Variants in LDLRAD3 observed in about 807,000 individuals in gnomAD.
LDLRAD3 encodes the protein low-density lipoprotein receptor class A domain-containing protein 3.
A neutral mutation model predicts 29.4 loss-of-function variants in LDLRAD3; 20 were observed. That is an observed-to-expected ratio of 0.68 (90% CI 0.48 to 0.99). LDLRAD3 has a LOEUF of 0.99. Ranked by LOEUF, LDLRAD3 falls within the 50% of genes least tolerant of loss-of-function variation. The pLI, the probability that LDLRAD3 is intolerant of heterozygous loss-of-function variation, is 0.00. For missense variants in LDLRAD3, 420 were observed against 454.3 expected (o/e 0.92, Z 0.69); for synonymous variants, 157 against 192.7 (o/e 0.81, Z 1.53).
intron 2 of LDLRAD3, among the ~76,000 whole-genome samples, chr11:36,073,437 C>T (rs1044184013): frequency 2.0e-5 from 3 of 152,192 alleles, no homozygotes; most frequent in African/African-American, 4.8e-5. Context: ...TTCTGTCGGG[C>T]GCTGCTGAGT....
At chr11:36,164,803 G>C in intron 4 of LDLRAD3, among the ~76,000 whole-genome samples, 1 of 152,212 alleles carries the variant, frequency 6.6e-6, no homozygotes, top group Non-Finnish European at 1.5e-5. Flanking sequence ...CTATGTCCCA[G>C]ATCTGGATGT....
chr11:36,077,147 C>G (rs1209203326), intron 2 of LDLRAD3, among the ~76,000 whole-genome samples: 1 of 152,178 alleles, frequency 6.6e-6, no homozygotes, highest in Non-Finnish European at 1.5e-5. Flanking sequence ...GTGTAACCTT[C>G]TCATCCTGTT....
At position 36,050,676 on chromosome 11, in the gene LDLRAD3, A is replaced by T. The variant is rs541258006; in HGVS notation, c.193+14427A>T. Among the ~76,000 whole-genome samples the T allele has an allele frequency of 5.3e-5, 8 of 152,310 alleles. No individual in the cohort carries two copies. The South Asian group carries it at 6.2e-4, about 12-fold the overall frequency. ...ATTTTTCGTCACTACTGGCACTCAG[A>T]GCCTATACTGAGTGTCCCTTTAGAA... On this transcript the variant is annotated intron_variant, in intron 2 of 5. Coordinates refer to ENST00000315571, the MANE Select transcript of LDLRAD3 (RefSeq NM_174902.4).
rs551358855 is a variant in LDLRAD3, at chr11:36,142,054, A to T, written c.454+43593A>T. ...TTGTTCCATTTTCTAAGGAAAAATA[A>T]ACCACTATTGCTTGCTTCCAGTCGC... On this transcript the variant is annotated intron_variant, in intron 4 of 5. Transcript: ENST00000315571. Among the ~76,000 whole-genome samples the T allele has an allele frequency of 3.3e-4, 51 of 152,336 alleles. 2 individuals are homozygous for T. In the South Asian group the frequency reaches 9.1e-3, roughly 27 times the overall value.
At chr11:36,019,538 G>A (rs1329773849) in intron 1 of LDLRAD3, among the ~76,000 whole-genome samples, 1 of 152,166 alleles carries the variant, frequency 6.6e-6, no homozygotes, top group Non-Finnish European at 1.5e-5. Flanking sequence ...GAATGGGGTG[G>A]CCAAGGGCCT....
At chr11:36,001,383 A>G (rs1851823121) in intron 1 of LDLRAD3, among the ~76,000 whole-genome samples, 1 of 152,204 alleles carries the variant, frequency 6.6e-6, no homozygotes, top group Non-Finnish European at 1.5e-5. Flanking sequence ...GATATGTAAA[A>G]TATCTATTAT....
At chr11:36,048,437 G>A (rs1399295319) in intron 2 of LDLRAD3, among the ~76,000 whole-genome samples, 1 of 152,086 alleles carries the variant, frequency 6.6e-6, no homozygotes, top group East Asian at 1.9e-4. Flanking sequence ...CTGGGGTCCC[G>A]GTGCTCCCTC....
chr11:36,197,472 G>A (rs1855051452), intron 4 of LDLRAD3: 1 of 152,216 alleles, frequency 6.6e-6, no homozygotes, highest in South Asian at 2.1e-4. Context: ...CAGTCTTTCT[G>A]TGCTGTGGTT....
intron 4 of LDLRAD3, among the ~76,000 whole-genome samples, chr11:36,224,144 G>T (rs938972343): frequency 1.3e-5 from 2 of 150,642 alleles, no homozygotes; most frequent in Non-Finnish European, 2.9e-5. Context: ...TTACAAGAAA[G>T]AACTAGCATG....
chr11:36,204,223 C>T (rs1297611373), intron 4 of LDLRAD3, among the ~76,000 whole-genome samples: 1 of 152,138 alleles, frequency 6.6e-6, no homozygotes, highest in African/African-American at 2.4e-5. Flanking sequence ...GGCAGAACAT[C>T]CTGGGTATCC....
intron 4 of LDLRAD3, among the ~76,000 whole-genome samples, chr11:36,180,568 A>G (rs551668617): frequency 3.9e-5 from 6 of 152,208 alleles, no homozygotes; most frequent in Non-Finnish European, 5.9e-5. Context: ...CTTATGAGGC[A>G]TTGAAGGGAC....
chr11:36,187,574 A>G (rs763158312), intron 4 of LDLRAD3, among the ~76,000 whole-genome samples: 1 of 152,190 alleles, frequency 6.6e-6, no homozygotes, highest in Non-Finnish European at 1.5e-5. Flanking sequence ...GTCAAGGTGG[A>G]CATACAGCTC....
intron 4 of LDLRAD3, among the ~76,000 whole-genome samples, chr11:36,206,269 A>G (rs1439808862): frequency 1.3e-5 from 2 of 152,184 alleles, no homozygotes; most frequent in South Asian, 2.1e-4. Context: ...TTATTACTAC[A>G]TATTAGCTTT....
At chr11:36,147,553 G>T (rs1854216229) in intron 4 of LDLRAD3, among the ~76,000 whole-genome samples, 1 of 152,180 alleles carries the variant, frequency 6.6e-6, no homozygotes, top group Non-Finnish European at 1.5e-5. Flanking sequence ...ATATTCACAG[G>T]CACCAGGGGT....
intron 2 of LDLRAD3, among the ~76,000 whole-genome samples, chr11:36,042,013 C>T (rs1565180596): frequency 6.6e-6 from 1 of 152,056 alleles, no homozygotes; most frequent in African/African-American, 2.4e-5. Context: ...TGTTCCTGAC[C>T]GTTTCTTGAA....
At chr11:36,145,330 GGGAAGTGAGGA>G (rs1854171204) in intron 4 of LDLRAD3, among the ~76,000 whole-genome samples, 3 of 98,992 alleles carry the variant, frequency 3.0e-5, no homozygotes, top group African/African-American at 1.4e-4. Context: ...CACCCCTACT[GGGAAGTGAGGA>G]GCCCCTCTGC....
chr11:36,191,544 C>CTCTCTCTCTCTCTCTT (rs1408473309), intron 4 of LDLRAD3, among the ~76,000 whole-genome samples: 770 of 51,872 alleles, frequency 0.015, 4 homozygotes, highest in African/African-American at 0.061. Context: ...CCCTGTCTCT[C>CTCTCTCTCTCTCTCTT]TCTCTCTCTC....
chr11:36,024,109 C>T (rs1852132008), intron 1 of LDLRAD3, among the ~76,000 whole-genome samples: 1 of 152,050 alleles, frequency 6.6e-6, no homozygotes, highest in Non-Finnish European at 1.5e-5. Context: ...TCCCATCTGA[C>T]CAGGCTACAC....
At chr11:36,023,384 G>C (rs1852122998) in intron 1 of LDLRAD3, among the ~76,000 whole-genome samples, 1 of 152,148 alleles carries the variant, frequency 6.6e-6, no homozygotes, top group Non-Finnish European at 1.5e-5. Flanking sequence ...TCTCCTAGCT[G>C]AGTAGAGAAG....
Sources: allele counts gnomAD v4.1 joint callset (sites outside exome capture counted in the v4.1 genomes callset), GRCh38; gene constraint gnomAD v4.1.1; transcripts MANE v1.5; gene names NCBI Gene and HGNC (gene_info 2026-07-23, HGNC 2026-07-21).